ARK2N: variants seen among roughly 807,000 people sequenced by gnomAD.
The protein encoded by ARK2N is protein ARK2N.
chr18:46,230,783 A>C, the ARK2N span, among the ~76,000 whole-genome samples: 2 of 152,244 alleles, frequency 1.3e-5, no homozygotes, highest in Non-Finnish European at 2.9e-5. Context: ...TTAGGAAACA[A>C]ATTATAGTTT....
the ARK2N span, among the ~76,000 whole-genome samples, chr18:46,244,067 C>G: frequency 1.3e-5 from 2 of 152,166 alleles, no homozygotes; most frequent in African/African-American, 4.8e-5. Context: ...ATTCACACTC[C>G]TAGGTTTCTC....
At chr18:46,200,508 A>G in the ARK2N span, among the ~76,000 whole-genome samples, 4 of 152,026 alleles carry the variant, frequency 2.6e-5, no homozygotes, top group South Asian at 2.1e-4. Flanking sequence ...GGGTTTCACT[A>G]TGTTGGCCAG....
the ARK2N span, chr18:46,215,838 CATTTCCT>C: frequency 1.9e-6 from 3 of 1,546,656 alleles, no homozygotes; most frequent in Non-Finnish European, 1.7e-6. Flanking sequence ...TCTTTGATAT[CATTTCCT>C]AGACTCTACT....
chr18:46,175,695 G>C, the ARK2N span, among the ~76,000 whole-genome samples: 17 of 152,228 alleles, frequency 1.1e-4, no homozygotes, highest in Non-Finnish European at 2.4e-4. Context: ...TAGAGACGGG[G>C]TTTTACCACG....
chr18:46,251,198 T>C, the ARK2N span, among the ~76,000 whole-genome samples: 1 of 152,222 alleles, frequency 6.6e-6, no homozygotes, highest in African/African-American at 2.4e-5. Context: ...TGTGATTTTG[T>C]ATTCTTCCTT....
chr18:46,191,398 G>A, the ARK2N span, among the ~76,000 whole-genome samples: 98,648 of 150,560 alleles, frequency 0.66, 33,426 homozygotes, highest in Non-Finnish European at 0.75. Flanking sequence ...TTCATCTTGT[G>A]TTGCCCAGGC....
chr18:46,177,474 C>T, the ARK2N span, among the ~76,000 whole-genome samples: 19 of 142,742 alleles, frequency 1.3e-4, no homozygotes, highest in Non-Finnish European at 2.1e-4. Context: ...CTCTGTTGCC[C>T]AGGCTGGAGT....
At chr18:46,258,356 G>C in the ARK2N span, among the ~76,000 whole-genome samples, 3 of 152,158 alleles carry the variant, frequency 2.0e-5, no homozygotes, top group Admixed American at 1.3e-4. Flanking sequence ...CCTTCAGGCT[G>C]TCTGTAAATG....
At chr18:46,265,451 G>A in the ARK2N span, 2 of 152,304 alleles carry the variant, frequency 1.3e-5, no homozygotes, top group Non-Finnish European at 2.9e-5. Context: ...GGAACAGAGT[G>A]GAGCTGTAAC....
the ARK2N span, among the ~76,000 whole-genome samples, chr18:46,220,162 C>G: frequency 3.3e-5 from 5 of 152,264 alleles, no homozygotes; most frequent in South Asian, 4.1e-4. Flanking sequence ...AATAATACCC[C>G]TCGTGGCAGG....
the ARK2N span, among the ~76,000 whole-genome samples, chr18:46,176,803 G>A: frequency 6.6e-6 from 1 of 152,088 alleles, no homozygotes; most frequent in East Asian, 1.9e-4. Flanking sequence ...TTTTAGTAGA[G>A]ACGGGTTTTC....
the ARK2N span, among the ~76,000 whole-genome samples, chr18:46,230,616 A>T: frequency 3.9e-5 from 6 of 152,296 alleles, no homozygotes; most frequent in South Asian, 1.2e-3. Flanking sequence ...TCTCTCTAAT[A>T]TGTGCATATG....
the ARK2N span, among the ~76,000 whole-genome samples, chr18:46,219,558 C>T: frequency 3.3e-5 from 5 of 151,962 alleles, no homozygotes; most frequent in African/African-American, 1.2e-4. Context: ...CAACCTCCGC[C>T]TCCCAGGTTC....
At chr18:46,187,281 C>T in the ARK2N span, among the ~76,000 whole-genome samples, 1 of 150,044 alleles carries the variant, frequency 6.7e-6, no homozygotes, top group African/African-American at 2.4e-5. Context: ...GACTCTGTCT[C>T]ATGAAAAAAC....
the ARK2N span, among the ~76,000 whole-genome samples, chr18:46,200,315 TG>T: frequency 4.0e-5 from 6 of 151,462 alleles, no homozygotes; most frequent in African/African-American, 1.2e-4. Context: ...TTTGTTCGTT[TG>T]TTTTTTTTTA....
chr18:46,178,231 A>G, the ARK2N span, among the ~76,000 whole-genome samples: 2 of 152,310 alleles, frequency 1.3e-5, no homozygotes, highest in South Asian at 2.1e-4. Context: ...TTAGTCCGCT[A>G]ATGGGTTGGG....
chr18:46,221,029 C>T, the ARK2N span, among the ~76,000 whole-genome samples: 6 of 151,710 alleles, frequency 4.0e-5, no homozygotes, highest in Non-Finnish European at 7.4e-5. Context: ...CCAGCTGCTC[C>T]GGAGGCTGGT....
At chr18:46,211,962 AT>A in the ARK2N span, among the ~76,000 whole-genome samples, 3 of 152,334 alleles carry the variant, frequency 2.0e-5, no homozygotes, top group East Asian at 5.8e-4. Flanking sequence ...AAAACAATAT[AT>A]GCAGTAAATA....
chr18:46,219,857 G>T, the ARK2N span, among the ~76,000 whole-genome samples: 1 of 152,166 alleles, frequency 6.6e-6, no homozygotes, highest in Non-Finnish European at 1.5e-5. Flanking sequence ...TTCATGGGGG[G>T]TCAGTTTCTC....
Sources: gnomAD v4.1 joint callset for allele counts (sites outside exome capture counted in the v4.1 genomes callset) on GRCh38, gnomAD v4.1.1 for gene constraint, MANE v1.5 for transcripts, NCBI Gene and HGNC (gene_info 2026-07-23, HGNC 2026-07-21) for gene names.